Variants in INTS4 observed in about 807,000 individuals in gnomAD.
The protein encoded by INTS4 is integrator complex subunit 4.
In INTS4, 70 loss-of-function variants were observed where a neutral mutation model predicts 119.5. The observed-to-expected ratio is 0.59, with a 90% CI of 0.48 to 0.71. The LOEUF (loss-of-function observed/expected upper bound fraction) is 0.71, where lower values mean the gene tolerates loss of function less well. INTS4 is among the 30% of genes least tolerant of loss of function. INTS4 has a pLI of 0.00. For synonymous variants in INTS4, 316 were observed against 419.6 expected, an observed-to-expected ratio of 0.75 and a Z score of 3.02; for missense variants, 867 against 1,173.2, an observed-to-expected ratio of 0.74 and a Z score of 3.81.
At chr11:77,891,948 A>C (rs1312822348) in intron 19 of INTS4, 108 bp from the exon 20 acceptor site, 72 of 1,557,294 alleles carry the variant, frequency 4.6e-5, no homozygotes, top group Non-Finnish European at 5.4e-5. Context: ...TGATGAAGTG[A>C]GAGGAGCTTG....
intron 5 of INTS4, 30 bp from the exon 6 acceptor site, chr11:77,960,421 T>C: frequency 2.0e-6 from 3 of 1,499,150 alleles, no homozygotes; most frequent in Non-Finnish European, 2.8e-6. Context: ...TTTAAGTGCT[T>C]GGGAGGAAAA....
At chr11:77,905,536 A>G (rs749194192) in intron 16 of INTS4, among the ~76,000 whole-genome samples, 11 of 152,134 alleles carry the variant, frequency 7.2e-5, no homozygotes, top group Non-Finnish European at 1.6e-4. Flanking sequence ...TGACTCCATG[A>G]AAGTGCATCA....
chr11:77,923,078 GC>G (rs1450220339), intron 12 of INTS4, among the ~76,000 whole-genome samples: 5 of 152,170 alleles, frequency 3.3e-5, no homozygotes, highest in Non-Finnish European at 5.9e-5. Context: ...CCAACACTTT[GC>G]GAGGCCGAAG....
chr11:77,992,332 A>T (rs1436519068), intron 1 of INTS4, among the ~76,000 whole-genome samples: 2 of 152,202 alleles, frequency 1.3e-5, no homozygotes, highest in East Asian at 3.9e-4. Context: ...CAGAAGTTGC[A>T]GTGAGCTAGG....
At chr11:77,993,479 G>A (rs1856778043) in intron 1 of INTS4, among the ~76,000 whole-genome samples, 1 of 152,208 alleles carries the variant, frequency 6.6e-6, no homozygotes, top group Admixed American at 6.5e-5. Flanking sequence ...GTCATGTGAG[G>A]ATGGGTGGAA....
At chr11:77,990,352 C>T (rs993096943) in intron 2 of INTS4, among the ~76,000 whole-genome samples, 6 of 152,072 alleles carry the variant, frequency 3.9e-5, no homozygotes, top group Admixed American at 6.6e-5. Flanking sequence ...GATGATGCCA[C>T]TAAACTCTAG....
At chr11:77,956,916 A>T (rs1239787855) in intron 7 of INTS4, among the ~76,000 whole-genome samples, 1 of 151,968 alleles carries the variant, frequency 6.6e-6, no homozygotes, top group Non-Finnish European at 1.5e-5. Flanking sequence ...GTACAAACCA[A>T]CTCTTTCAGT....
chr11:77,985,439 C>T (rs1161984220), intron 2 of INTS4, among the ~76,000 whole-genome samples: 1 of 152,134 alleles, frequency 6.6e-6, no homozygotes, highest in South Asian at 2.1e-4. Flanking sequence ...ATGTCTTTCC[C>T]CCTGTCTTCC....
chr11:77,985,226 C>T (rs1227974558), intron 2 of INTS4, among the ~76,000 whole-genome samples: 1 of 152,200 alleles, frequency 6.6e-6, no homozygotes, highest in Non-Finnish European at 1.5e-5. Context: ...CCATACTTCC[C>T]CTCAGAGTGA....
At chr11:77,875,293 A>G (rs772221785), downstream of INTS4, among the ~76,000 whole-genome samples, 6 of 152,234 alleles carry the variant, frequency 3.9e-5, no homozygotes, top group Non-Finnish European at 8.8e-5. Context: ...CCAGGTACAG[A>G]TCAGTTGGAA....
chr11:77,973,903 G>A (rs952855126), intron 4 of INTS4, among the ~76,000 whole-genome samples: 3 of 152,052 alleles, frequency 2.0e-5, no homozygotes, highest in Admixed American at 6.6e-5. Flanking sequence ...TGCAGTTTTC[G>A]TTTCTTGTGA....
chr11:77,884,728 G>T, intron 21 of INTS4: 1 of 334,974 alleles, frequency 3.0e-6, no homozygotes. Context: ...CAGGTCATGG[G>T]GCCTCCCCCT....
chr11:77,908,702 T>C (rs776609157), intron 15 of INTS4, among the ~76,000 whole-genome samples: 9 of 152,188 alleles, frequency 5.9e-5, no homozygotes, highest in Non-Finnish European at 1.2e-4. Context: ...AAAAACTATA[T>C]AGAGGAGAAA....
chr11:77,931,021 C>T (rs1457546454), intron 10 of INTS4, among the ~76,000 whole-genome samples: 9 of 152,152 alleles, frequency 5.9e-5, no homozygotes, highest in Non-Finnish European at 7.4e-5. Flanking sequence ...AAGACTATCC[C>T]CCAGGCTTAC....
chr11:77,911,382 G>C (rs1407169678), intron 15 of INTS4, among the ~76,000 whole-genome samples: 1 of 152,120 alleles, frequency 6.6e-6, no homozygotes. Flanking sequence ...TTTTTCTCTT[G>C]CAAGAGACAG....
intron 10 of INTS4, among the ~76,000 whole-genome samples, chr11:77,935,509 G>C (rs1953766770): frequency 6.6e-6 from 1 of 152,164 alleles, no homozygotes; most frequent in Non-Finnish European, 1.5e-5. Flanking sequence ...GTGAGACAGA[G>C]ACCATCTGAG....
At chr11:77,913,520 C>A (rs1953135953) in intron 15 of INTS4, among the ~76,000 whole-genome samples, 1 of 152,090 alleles carries the variant, frequency 6.6e-6, no homozygotes, top group African/African-American at 2.4e-5. Context: ...ATCGTGTTAG[C>A]CAGGATGGTC....
At chr11:77,974,132 T>C (rs776278226) in intron 4 of INTS4, among the ~76,000 whole-genome samples, 8 of 152,136 alleles carry the variant, frequency 5.3e-5, no homozygotes, top group Non-Finnish European at 1.0e-4. Context: ...GTCATAGATC[T>C]ATTCAGATTG....
At chr11:77,933,784 C>T (rs1283073506) in intron 10 of INTS4, among the ~76,000 whole-genome samples, 1 of 151,898 alleles carries the variant, frequency 6.6e-6, no homozygotes, top group Non-Finnish European at 1.5e-5. Context: ...TGAGGAGCGT[C>T]TCCGCCCGGC....
Sources: allele counts gnomAD v4.1 joint callset (sites outside exome capture counted in the v4.1 genomes callset), GRCh38; gene constraint gnomAD v4.1.1; transcripts MANE v1.5; gene names NCBI Gene and HGNC (gene_info 2026-07-23, HGNC 2026-07-21).